MYH16: variants seen among roughly 807,000 people sequenced by gnomAD.
The protein encoded by MYH16 is myosin heavy chain 16, also known as putative uncharacterized protein MYH16.
chr7:99,287,938 G>A (rs558157460), exon 29 of MYH16: 14 of 456,214 alleles, frequency 3.1e-5, no homozygotes, highest in African/African-American at 1.2e-4. Flanking sequence ...AAGCTGCGGC[G>A]GGAGCTGGAA....
At position 99,292,960 on chromosome 7, in the gene MYH16, TAAA is replaced by T. The variant is rs35832231; in HGVS notation, n.4149+466_4149+468del. ...GGATAACAGAGCAGGATCCTGTCTC[TAAA>T]AAAAAAAAAAAAACTACATAAGTGG... is the stretch of plus-strand genomic sequence containing the variant. On this transcript the variant is annotated intron_variant and non_coding_transcript_variant, in intron 32 of 41. Coordinates refer to ENST00000439784, the Ensembl canonical transcript of MYH16. Among the ~76,000 whole-genome samples the T allele has an allele frequency of 1.0e-3, 144 of 143,388 alleles. 1 individual carries two copies. Among genetic ancestry groups the T allele is most frequent in the African/African-American group, 1.0e-3 (40 of 39,378 alleles). The allele number at this position is 143,388 out of a possible 152,430, so 94.1% of individuals were successfully genotyped here.
At chr7:99,298,182 G>GTACAAAACA (rs1792531776) in intron 36 of MYH16, among the ~76,000 whole-genome samples, 187 bp downstream of exon 17, 4 of 151,764 alleles carry the variant, frequency 2.6e-5, no homozygotes, top group African/African-American at 9.7e-5. Context: ...TCTAGTTTAT[G>GTACAAAACA]AACACTTTGT....
At chr7:99,247,876 G>A (rs1351435498) in intron 3 of MYH16, 1 of 152,240 alleles carries the variant, frequency 6.6e-6, no homozygotes, top group Non-Finnish European at 1.5e-5. Flanking sequence ...ACTACCAGTT[G>A]AAGTTCTTTG....
chr7:99,277,506 T>C (rs1169348496), intron 20 of MYH16, 33 bp from the exon 3 acceptor site: 1 of 450,682 alleles, frequency 2.2e-6, no homozygotes, highest in African/African-American at 2.0e-5. Flanking sequence ...AACCCCATTC[T>C]CCTAACACTC....
chr7:99,241,169 G>A (rs1474669790), intron 1 of MYH16, among the ~76,000 whole-genome samples: 2 of 152,180 alleles, frequency 1.3e-5, no homozygotes, highest in Non-Finnish European at 2.9e-5. Flanking sequence ...AGCCTGTGGC[G>A]CTGGCTTCCC....
chr7:99,240,633 T>G (rs1194090546), intron 1 of MYH16, among the ~76,000 whole-genome samples: 1 of 152,064 alleles, frequency 6.6e-6, no homozygotes, highest in Non-Finnish European at 1.5e-5. Flanking sequence ...GGCAGATCGC[T>G]TGAGGCTAGG....
chr7:99,296,862 C>A (rs765461736), exon 34 of MYH16: 2 of 457,744 alleles, frequency 4.4e-6, no homozygotes, highest in Non-Finnish European at 8.8e-6. Flanking sequence ...AGACTGCCTA[C>A]GAGGAGTCTC....
intron 40 of MYH16, chr7:99,305,457 G>A (rs1194514094): frequency 6.6e-6 from 1 of 152,196 alleles, no homozygotes; most frequent in East Asian, 1.9e-4. Flanking sequence ...CCATCATTTT[G>A]TCTGACTCCC....
At position 99,277,531 on chromosome 7, in the gene MYH16, T is replaced by C. The variant is rs1248493784; in HGVS notation, n.2486-8T>C. Reference sequence around the variant, plus strand: ...TCCTAACACTCTTTGGTGTTGCTCATTGCCCAGGTCAAGCCACTCCTGAAT... The same window carrying C: ...TCCTAACACTCTTTGGTGTTGCTCACTGCCCAGGTCAAGCCACTCCTGAAT... On this transcript the variant is annotated splice_polypyrimidine_tract_variant and splice_region_variant and intron_variant and non_coding_transcript_variant, in intron 20 of 41. Coordinates refer to ENST00000439784, the Ensembl canonical transcript of MYH16. The C allele has an allele frequency of 4.4e-6, 2 of 456,186 alleles. No homozygotes were observed. Among genetic ancestry groups the C allele is most frequent in the Non-Finnish European group, 8.8e-6 (2 of 226,686 alleles). 28.3% of individuals were successfully genotyped at this position (456,186 alleles called of 1,614,324 possible).
intron 1 of MYH16, among the ~76,000 whole-genome samples, chr7:99,242,613 G>C (rs1454782247): frequency 2.0e-5 from 3 of 152,056 alleles, no homozygotes; most frequent in Non-Finnish European, 4.4e-5. Flanking sequence ...ACTCCAGCCT[G>C]GGCAACAGAG....
At chr7:99,277,043 GAGAGAGAGAGAGACAC>G (rs6150247) in intron 20 of MYH16, among the ~76,000 whole-genome samples, 17,809 of 130,998 alleles carry the variant, frequency 0.14, 2,616 homozygotes, top group African/African-American at 0.49. Context: ...GAGAGACACA[GAGAGAGAGAGAGACAC>G]AGAGAGAGAG....
intron 21 of MYH16, 90 bp from the exon 4 acceptor site, chr7:99,279,420 G>C (rs2150819955): frequency 5.0e-6 from 2 of 397,188 alleles, no homozygotes; most frequent in South Asian, 3.6e-5. Context: ...CAACCCCCAG[G>C]ACACATTTGT....
chr7:99,287,260 C>T (rs557070896), intron 28 of MYH16, among the ~76,000 whole-genome samples: 5 of 152,114 alleles, frequency 3.3e-5, no homozygotes, highest in Non-Finnish European at 5.9e-5. Flanking sequence ...CGGCCGGGCA[C>T]GGTGGCTCAC....
chr7:99,284,418 C>T (rs936588306), intron 25 of MYH16, among the ~76,000 whole-genome samples: 3 of 152,086 alleles, frequency 2.0e-5, no homozygotes, highest in African/African-American at 7.2e-5. Context: ...TAGCAAGACC[C>T]CGTCTACAAA....
At chr7:99,296,327 A>G (rs572545131) in intron 33 of MYH16, among the ~76,000 whole-genome samples, 11 of 152,280 alleles carry the variant, frequency 7.2e-5, no homozygotes, top group African/African-American at 2.4e-4. Flanking sequence ...TTTTGAGTTG[A>G]TGTGTAGTGT....
chr7:99,275,617 G>A (rs113446985), intron 20 of MYH16, among the ~76,000 whole-genome samples: 7 of 152,288 alleles, frequency 4.6e-5, no homozygotes, highest in Admixed American at 2.0e-4. Context: ...ATTAGACTCT[G>A]GGAAGACCCA....
chr7:99,279,493 GCT>G lies in MYH16; in HGVS notation n.2660-14_2660-13del. 1 of 455,542 alleles carries G rather than the reference GCT, an allele frequency of 2.2e-6. No individual in the cohort carries two copies. Among genetic ancestry groups the G allele is most frequent in the Non-Finnish European group, 4.4e-6 (1 of 226,070 alleles). 28.2% of individuals were successfully genotyped at this position (455,542 alleles called of 1,614,324 possible). On this transcript the variant is annotated splice_polypyrimidine_tract_variant and intron_variant and non_coding_transcript_variant, in intron 21 of 41. Coordinates refer to ENST00000439784, the Ensembl canonical transcript of MYH16. ...TGCCTGGACCCTGTCCTCGACCGGG[GCT>G]CTTTCTCCCAACAGGAGCAAGAGAA...
chr7:99,259,571 G>C (rs993909662), intron 11 of MYH16, among the ~76,000 whole-genome samples: 6 of 151,882 alleles, frequency 4.0e-5, no homozygotes, highest in Non-Finnish European at 8.8e-5. Flanking sequence ...TGATTCTCCT[G>C]CCTCAGCCTC....
chr7:99,305,247 A>T lies in MYH16; in HGVS notation n.5434+491A>T, dbSNP rs145680298. On this transcript the variant is annotated intron_variant and non_coding_transcript_variant, in intron 40 of 41. Transcript: ENST00000439784. ...AAGGAAGGGAGGGAAAGAAAGAGAA[A>T]AGGAAATTGAGGGAAGAGCTCTAAT... Among the ~76,000 whole-genome samples the T allele has an allele frequency of 4.6e-3, 697 of 151,508 alleles. 4 individuals are homozygous for T. The highest frequency in any genetic ancestry group is 7.0e-3 in the Admixed American group (107 of 15,186).
Sources: allele counts gnomAD v4.1 joint callset (sites outside exome capture counted in the v4.1 genomes callset), GRCh38; gene constraint gnomAD v4.1.1; transcripts MANE v1.5; gene names NCBI Gene and HGNC (gene_info 2026-07-23, HGNC 2026-07-21).